WDPCP: variants seen among roughly 807,000 people sequenced by gnomAD.
WDPCP encodes WD repeat containing planar cell polarity effector, also known as WD repeat-containing and planar cell polarity effector protein fritz homolog.
WDPCP carries 71 observed loss-of-function variants against 93.1 expected under a neutral mutation model. The ratio of observed to expected loss-of-function variants is 0.76; its 90% CI spans 0.63 to 0.93. WDPCP has a LOEUF of 0.93. WDPCP is among the 40% of genes least tolerant of loss of function. The probability of loss-of-function intolerance (pLI) is 0.00; values close to 1 mark genes in which losing one functional copy is unlikely to be tolerated. For missense variants in WDPCP, 844 were observed against 887.4 expected (o/e 0.95, Z 0.62); for synonymous variants, 315 against 315.0 (o/e 1.00, Z 0.00).
chr2:63,391,125 G>A (rs1001816568), intron 10 of WDPCP, among the ~76,000 whole-genome samples: 2 of 152,114 alleles, frequency 1.3e-5, no homozygotes, highest in African/African-American at 2.4e-5. Context: ...GATGAACATC[G>A]AAGCAAAAAT....
intron 13 of WDPCP, among the ~76,000 whole-genome samples, chr2:63,260,828 G>C (rs1044389831): frequency 6.6e-6 from 1 of 152,188 alleles, no homozygotes; most frequent in Admixed American, 6.5e-5. Context: ...GATTACAGGC[G>C]TGAGCCACCA....
chr2:63,707,469 C>T (rs1390279183), intron 2 of WDPCP, among the ~76,000 whole-genome samples: 2 of 152,180 alleles, frequency 1.3e-5, no homozygotes, highest in African/African-American at 4.8e-5. Flanking sequence ...CCATGGTTTT[C>T]AGCTCCATCA....
intron 13 of WDPCP, among the ~76,000 whole-genome samples, chr2:63,263,063 G>T (rs1334815747): frequency 6.6e-6 from 1 of 152,048 alleles, no homozygotes; most frequent in African/African-American, 2.4e-5. Flanking sequence ...GTGGACTTAA[G>T]CAAAATGCAT....
At chr2:63,589,791 G>A (rs1709129398), upstream of WDPCP, among the ~76,000 whole-genome samples, 1 of 152,128 alleles carries the variant, frequency 6.6e-6, no homozygotes, top group African/African-American at 2.4e-5. Flanking sequence ...AGAGGGGGAG[G>A]GGGAGAGTTG....
chr2:63,313,271 C>T lies in WDPCP; in HGVS notation c.1789G>A (p.Val597Ile), dbSNP rs776917693. Residue 597 changes from valine (V) to isoleucine (I), a missense_variant, in exon 13 of 18, where the codon GTT (valine) becomes ATT (isoleucine). Physicochemically the swap from Val to Ile is conservative, Grantham distance 29. Coordinates refer to ENST00000272321, the MANE Select transcript of WDPCP (RefSeq NM_015910.7). ...ACCATAAAGAGGTCACGAGCACCAA[C>T]GTCAACAGCTAGGAGAAATGCCTTT... ...FEKAFLLAVD[V>I]GARDLFMDIH... 72 of 1,613,540 alleles carry T rather than the reference C, an allele frequency of 4.5e-5. No individual in the cohort carries two copies. Among genetic ancestry groups the T allele is most frequent in the African/African-American group, 3.2e-4 (24 of 74,892 alleles).
At chr2:63,773,852 A>T (rs1670265243) in intron 2 of WDPCP, among the ~76,000 whole-genome samples, 1 of 152,142 alleles carries the variant, frequency 6.6e-6, no homozygotes, top group African/African-American at 2.4e-5. Flanking sequence ...GGAAACTGAT[A>T]AAAACGTTGA....
intron 13 of WDPCP, among the ~76,000 whole-genome samples, chr2:63,304,897 G>A (rs1270070754): frequency 6.6e-6 from 1 of 152,068 alleles, no homozygotes; most frequent in Non-Finnish European, 1.5e-5. Flanking sequence ...TGGGACACTC[G>A]AGCCTGGTGG....
At chr2:63,598,821 G>A (rs556705869) in intron 3 of WDPCP, among the ~76,000 whole-genome samples, 14 of 150,084 alleles carry the variant, frequency 9.3e-5, no homozygotes, top group East Asian at 3.9e-4. Context: ...GTCCTTGTTC[G>A]TGAGAAATAT....
At chr2:63,747,846 T>C (rs1362557912) in intron 2 of WDPCP, among the ~76,000 whole-genome samples, 1 of 152,110 alleles carries the variant, frequency 6.6e-6, no homozygotes, top group South Asian at 2.1e-4. Context: ...ATTGCATTGA[T>C]TCTGTAGATC....
chr2:63,162,146 G>A (rs1382081903), intron 15 of WDPCP, among the ~76,000 whole-genome samples: 3 of 152,000 alleles, frequency 2.0e-5, no homozygotes, highest in Non-Finnish European at 2.9e-5. Flanking sequence ...TACTTTTTCT[G>A]ACCAAATTGT....
intron 3 of WDPCP, among the ~76,000 whole-genome samples, chr2:63,614,877 T>G (rs1489447830): frequency 6.6e-6 from 1 of 152,232 alleles, no homozygotes; most frequent in Non-Finnish European, 1.5e-5. Flanking sequence ...CAATCACATT[T>G]CTACGCAACT....
chr2:63,300,104 T>C (rs1045543993), intron 13 of WDPCP, among the ~76,000 whole-genome samples: 1 of 152,032 alleles, frequency 6.6e-6, no homozygotes, highest in Non-Finnish European at 1.5e-5. Context: ...CACCACCTCC[T>C]CAAACTGGAC....
chr2:63,732,547 G>C (rs1331404090), intron 2 of WDPCP, among the ~76,000 whole-genome samples: 1 of 152,024 alleles, frequency 6.6e-6, no homozygotes, highest in Non-Finnish European at 1.5e-5. Flanking sequence ...ACTTATTAGA[G>C]AATAAATAAT....
At chr2:63,830,881 G>A (rs908729588), upstream of WDPCP, among the ~76,000 whole-genome samples, 2 of 152,046 alleles carry the variant, frequency 1.3e-5, no homozygotes, top group Non-Finnish European at 2.9e-5. Flanking sequence ...ACTATATGTT[G>A]ACAATTCCTA....
At chr2:63,516,272 T>C (rs73934706) in intron 1 of WDPCP, among the ~76,000 whole-genome samples, 2,080 of 152,268 alleles carry the variant, frequency 0.014, 57 homozygotes, top group African/African-American at 0.047. Flanking sequence ...GTAAATGGGA[T>C]ACCCATCACC....
At chr2:63,302,271 A>G (rs1685387927) in intron 13 of WDPCP, among the ~76,000 whole-genome samples, 1 of 152,212 alleles carries the variant, frequency 6.6e-6, no homozygotes, top group South Asian at 2.1e-4. Flanking sequence ...CAGCTCTGCA[A>G]GCATCAGAGA....
chr2:63,418,006 AAAGTT>A (rs1485110079), intron 9 of WDPCP, among the ~76,000 whole-genome samples: 1 of 152,068 alleles, frequency 6.6e-6, no homozygotes, highest in Non-Finnish European at 1.5e-5. Flanking sequence ...TAGCAGCTTT[AAAGTT>A]ATTAGAGTAT....
At chr2:63,708,786 A>G (rs902205116) in intron 2 of WDPCP, among the ~76,000 whole-genome samples, 2 of 151,716 alleles carry the variant, frequency 1.3e-5, no homozygotes, top group Admixed American at 6.6e-5. Context: ...AATTTTTTGT[A>G]TTTTTAGTAC....
the WDPCP span, among the ~76,000 whole-genome samples, chr2:63,838,098 G>T: frequency 7.1e-6 from 1 of 141,542 alleles, no homozygotes; most frequent in Non-Finnish European, 1.6e-5. Flanking sequence ...CTATCTCAAA[G>T]AAAAAAAAAA....
Sources: gnomAD v4.1 joint callset for allele counts (sites outside exome capture counted in the v4.1 genomes callset) on GRCh38, gnomAD v4.1.1 for gene constraint, MANE v1.5 for transcripts, NCBI Gene and HGNC (gene_info 2026-07-23, HGNC 2026-07-21) for gene names.